The following GDAP1L1 variants were observed in gnomAD, a reference collection of about 807,000 sequenced individuals.
The protein encoded by GDAP1L1 is ganglioside induced differentiation associated protein 1 like 1, also known as ganglioside-induced differentiation-associated protein 1-like 1.
Under a neutral mutation model 37.1 loss-of-function variants are expected in GDAP1L1, and 21 were observed. That is an observed-to-expected ratio of 0.57 (90% CI 0.40 to 0.81). The LOEUF (loss-of-function observed/expected upper bound fraction) is 0.81, where lower values mean the gene tolerates loss of function less well. GDAP1L1 is among the 40% of genes least tolerant of loss of function. GDAP1L1 has a pLI of 0.00. For synonymous variants in GDAP1L1, 193 were observed against 209.1 expected, an observed-to-expected ratio of 0.92 and a Z score of 0.67; for missense variants, 362 against 491.6, an observed-to-expected ratio of 0.74 and a Z score of 2.49.
chr20:44,261,087 C>A (rs1247218853), intron 3 of GDAP1L1, among the ~76,000 whole-genome samples: 1 of 152,156 alleles, frequency 6.6e-6, no homozygotes, highest in Non-Finnish European at 1.5e-5. Context: ...ACCCAGCCCA[C>A]CCCCTCTCTC....
At chr20:44,272,399 C>G (rs916261680) in intron 5 of GDAP1L1, among the ~76,000 whole-genome samples, 1 of 152,024 alleles carries the variant, frequency 6.6e-6, no homozygotes, top group South Asian at 2.1e-4. Context: ...TGAGAGGGAG[C>G]TGGGGAAAGG....
intron 5 of GDAP1L1, among the ~76,000 whole-genome samples, chr20:44,277,249 G>T (rs1468361549): frequency 6.6e-6 from 1 of 152,120 alleles, no homozygotes; most frequent in Non-Finnish European, 1.5e-5. Flanking sequence ...TTACAGGCGT[G>T]AGCCACGGCG....
At position 44,257,189 on chromosome 20, in the gene GDAP1L1, G is replaced by A. The variant is rs754657283; in HGVS notation, c.217G>A (p.Glu73Lys). 3.1e-5 allele frequency: 50 copies of A among 1,606,290 alleles called. No individual in the cohort carries two copies. Among genetic ancestry groups the A allele is most frequent in the Admixed American group, 6.8e-5 (4 of 59,178 alleles). ...GATCGCCGAGAAGGGCCTGGTGTGC[G>A]AGGAGCGGGACGTGAGCCTGCCACA... is the stretch of plus-strand genomic sequence containing the variant. ...LVIAEKGLVC[E>K]ERDVSLPQSE... is the part of the protein sequence containing the mutation. The change falls in exon 2 of 6, where the codon GAG becomes AAG. Residue 73 changes from glutamate (E) to lysine (K), a missense_variant. Physicochemically the swap from Glu to Lys is moderately conservative, Grantham distance 56. Around this residue, in one of 2 missense-constraint regions of GDAP1L1, gnomAD observed 277 missense variants for 337.1 expected, o/e 0.82. Coordinates refer to ENST00000342560, the MANE Select transcript of GDAP1L1 (RefSeq NM_024034.6).
At chr20:44,272,076 C>A (rs536976713) in intron 5 of GDAP1L1, among the ~76,000 whole-genome samples, 2 of 152,324 alleles carry the variant, frequency 1.3e-5, no homozygotes, top group Admixed American at 6.5e-5. Context: ...CCCCTGCTTC[C>A]TACTTGCCTA....
rs1412372071 is a variant in GDAP1L1, at chr20:44,280,172, C to T, written c.*872C>T. ...CCAAGCCATCTCCTTCAATATCCCC[C>T]CCTTCCTGTCACTCCCGGGGCTGTC... On this transcript the variant is annotated 3_prime_UTR_variant, in exon 6 of 6. Coordinates refer to ENST00000342560, the MANE Select transcript of GDAP1L1 (RefSeq NM_024034.6). The T allele has an allele frequency of 4.2e-6, 1 of 238,318 alleles. No homozygotes were observed. Among genetic ancestry groups the T allele is most frequent in the African/African-American group, 2.3e-5 (1 of 44,372 alleles). The allele number at this position is 238,318 out of a possible 1,614,324, so 14.8% of individuals were successfully genotyped here. A position where few individuals can be genotyped will look rare whatever the true frequency, so the allele number is the denominator to read the frequency against.
chr20:44,258,507 G>A lies in GDAP1L1; in HGVS notation c.447G>A (p.Leu149=). Residue 149 remains leucine, a synonymous_variant, in exon 3 of 6, where the codon CTG becomes CTA. Transcript: ENST00000342560. ...GGGTGCTGCAGTACCGGGAGCTGCT[G>A]GACGCACTGCCCATGGATGCCTACA... ...HARVLQYREL[L]DALPMDAYTH... is the part of the protein sequence containing the mutation. 6.4e-7 allele frequency: 1 copy of A among 1,566,388 alleles called. No homozygotes were observed. The highest frequency in any genetic ancestry group is 8.6e-7 in the Non-Finnish European group (1 of 1,156,192).
intron 3 of GDAP1L1, 55 bp from the exon 4 acceptor site, chr20:44,263,175 A>G: frequency 7.3e-7 from 1 of 1,375,802 alleles, no homozygotes; most frequent in Non-Finnish European, 1.0e-6. Flanking sequence ...AAGGCAGGTG[A>G]TGGGGGAGCA....
intron 5 of GDAP1L1, chr20:44,265,599 T>G: frequency 1.8e-6 from 1 of 563,526 alleles, no homozygotes; most frequent in African/African-American, 2.0e-5. Context: ...GCTTTCCCTA[T>G]TGAAGCCTCA....
intron 5 of GDAP1L1, among the ~76,000 whole-genome samples, chr20:44,268,364 C>T (rs994800728): frequency 6.6e-6 from 1 of 152,166 alleles, no homozygotes; most frequent in African/African-American, 2.4e-5. Context: ...CAGTGCCTGG[C>T]TCAAGGTAAA....
rs1424565874 is a variant in GDAP1L1 at position 44,279,031 on chromosome 20, C to T, written c.835C>T (p.Arg279Cys). 6.2e-6 allele frequency: 10 copies of T among 1,614,002 alleles called. No homozygotes were observed. The highest frequency in any genetic ancestry group is 4.5e-5 in the East Asian group (2 of 44,886). ...TGTCCTCCTGGGAGCCACCCTGCAC[C>T]GCCTCAAGTTCCTGGGACTGTCCAA... ...ADVLLGATLH[R>C]LKFLGLSKKY... The change falls in exon 6 of 6, where the codon CGC becomes TGC. Residue 279 changes from arginine to cysteine, a missense_variant. Arg to Cys is a radical substitution (Grantham distance 180). This residue lies in a region of GDAP1L1 where 85 missense variants were observed against 154.4 expected (regional missense o/e 0.55). Coordinates refer to ENST00000342560, the MANE Select transcript of GDAP1L1 (RefSeq NM_024034.6).
At chr20:44,263,776 G>A (rs549443465) in intron 4 of GDAP1L1, among the ~76,000 whole-genome samples, 32 of 152,270 alleles carry the variant, frequency 2.1e-4, no homozygotes, top group Middle Eastern at 6.8e-3. Context: ...CCTGGGAGGC[G>A]GAGGTTGCAG....
chr20:44,264,714 ACTTGGC>A, intron 5 of GDAP1L1, 155 bp downstream of exon 5: 1 of 1,435,788 alleles, frequency 7.0e-7, no homozygotes, highest in Non-Finnish European at 9.4e-7. Context: ...TCAAGTCATA[ACTTGGC>A]CACTTCCTAG....
intron 5 of GDAP1L1, among the ~76,000 whole-genome samples, chr20:44,265,958 A>C (rs868804187): frequency 2.0e-5 from 3 of 152,244 alleles, no homozygotes; most frequent in Middle Eastern, 3.4e-3. Flanking sequence ...GCCTTAAATC[A>C]TTTCTGGAAA....
intron 4 of GDAP1L1, among the ~76,000 whole-genome samples, chr20:44,263,801 G>A (rs1388014830): frequency 6.6e-6 from 1 of 152,098 alleles, no homozygotes; most frequent in Non-Finnish European, 1.5e-5. Context: ...CTGAGATCGG[G>A]CCACTACACT....
intron 2 of GDAP1L1, among the ~76,000 whole-genome samples, chr20:44,257,868 G>T (rs1452605471): frequency 6.6e-6 from 1 of 151,910 alleles, no homozygotes; most frequent in Non-Finnish European, 1.5e-5. Flanking sequence ...CCAGAACCCT[G>T]AGACAGGGGA....
Position 44,264,832 on chromosome 20 carries a change from G to A in GDAP1L1, c.760+273G>A, listed in dbSNP as rs188727625. 48 of 1,158,360 alleles carry A rather than the reference G, an allele frequency of 4.1e-5. 1 individual carries two copies. In the African/African-American group the frequency reaches 5.8e-4, roughly 14 times the overall value. 71.8% of individuals were successfully genotyped at this position (1,158,360 alleles called of 1,614,324 possible). A position where few individuals can be genotyped will look rare whatever the true frequency, so the allele number is the denominator to read the frequency against. On this transcript the variant is annotated intron_variant, in intron 5 of 5. Coordinates refer to ENST00000342560, the MANE Select transcript of GDAP1L1 (RefSeq NM_024034.6). ...TGCCTCAAAGAGCTGTTGAGACATT[G>A]TGTGAAATAATACACGTAGAGTGCT... is the stretch of plus-strand genomic sequence containing the variant.
intron 5 of GDAP1L1, among the ~76,000 whole-genome samples, chr20:44,267,407 C>T (rs375850342): frequency 1.8e-3 from 276 of 152,056 alleles, no homozygotes; most frequent in African/African-American, 5.9e-3. Flanking sequence ...GTCAGGAGTT[C>T]GAGACCAGCC....
At position 44,260,489 on chromosome 20, in the gene GDAP1L1, T is replaced by A. The variant is rs62205976; in HGVS notation, c.547+1882T>A. 7.3e-3 allele frequency among the ~76,000 whole-genome samples: 1,115 copies of A among 152,206 alleles called. 14 individuals are homozygous for A. The highest frequency in any genetic ancestry group is 0.052 in the East Asian group (269 of 5,182). ...TTTATAGTACATTCTTCAATCTTGT[T>A]TGAATTTCAACAATATACATGTATA... On this transcript the variant is annotated intron_variant, in intron 3 of 5. Coordinates refer to ENST00000342560, the MANE Select transcript of GDAP1L1 (RefSeq NM_024034.6).
In GDAP1L1 at chr20:44,257,358, C is replaced by T. The variant is rs756797486; in HGVS notation, c.373+13C>T. The T allele has an allele frequency of 2.5e-6, 4 of 1,608,504 alleles. No individual in the cohort carries two copies. The South Asian group carries it at 3.3e-5, about 13-fold the overall frequency. ...ACCTTCACAGGAGGTACGGCTGCCT[C>T]CCCACCCAGGGGCCCACTCCATACC... On this transcript the variant is annotated intron_variant, in intron 2 of 5. Coordinates refer to ENST00000342560, the MANE Select transcript of GDAP1L1 (RefSeq NM_024034.6).
Sources: allele counts gnomAD v4.1 joint callset (sites outside exome capture counted in the v4.1 genomes callset), GRCh38; gene constraint gnomAD v4.1.1; regional missense constraint gnomAD v4.1.1; transcripts MANE v1.5; gene names NCBI Gene and HGNC (gene_info 2026-07-23, HGNC 2026-07-21).